Variants in DIP2C observed in about 807,000 individuals in gnomAD.
DIP2C encodes the protein DIP2 acetate--CoA ligase C (putative), also known as disco-interacting protein 2 homolog C.
In DIP2C, 33 loss-of-function variants were observed where a neutral mutation model predicts 192.4. The ratio of observed to expected loss-of-function variants is 0.17; its 90% CI spans 0.13 to 0.23. The LOEUF is 0.23. Ranked by LOEUF, DIP2C falls within the 10% of genes least tolerant of loss-of-function variation. DIP2C has a pLI of 1.00. For synonymous variants in DIP2C, 979 were observed against 864.1 expected (o/e 1.13, Z -2.33); for missense variants, 1,537 against 2,110.1 (o/e 0.73, Z 5.32).
At chr10:334,024 G>A (rs934308464) in intron 29 of DIP2C, among the ~76,000 whole-genome samples, 1 of 152,124 alleles carries the variant, frequency 6.6e-6, no homozygotes, top group African/African-American at 2.4e-5. Flanking sequence ...TATTACATAG[G>A]CTGGGTGCAG....
At chr10:410,952 A>C (rs1015558024) in intron 8 of DIP2C, among the ~76,000 whole-genome samples, 9 of 152,228 alleles carry the variant, frequency 5.9e-5, no homozygotes, top group African/African-American at 2.2e-4. Context: ...ATTAGATATT[A>C]ATTGTAATTT....
intron 1 of DIP2C, among the ~76,000 whole-genome samples, chr10:487,501 G>A (rs1291242239): frequency 6.7e-6 from 1 of 148,632 alleles, no homozygotes; most frequent in African/African-American, 2.5e-5. Flanking sequence ...CGGAACACAA[G>A]GCTGACGTCT....
chr10:283,192 T>G (rs2132146440), intron 35 of DIP2C, 80 bp downstream of exon 35: 1 of 1,533,586 alleles, frequency 6.5e-7, no homozygotes, highest in African/African-American at 1.4e-5. Flanking sequence ...GCTGTAAACC[T>G]TGGGAAAGGC....
intron 1 of DIP2C, among the ~76,000 whole-genome samples, chr10:574,062 T>C (rs1046247175): frequency 3.9e-5 from 6 of 152,236 alleles, no homozygotes; most frequent in Admixed American, 6.5e-5. Context: ...TGAAGAAAAC[T>C]GCATAGCAGA....
In DIP2C at chr10:472,544, C is replaced by T. The variant is rs1362991091; in HGVS notation, c.163G>A (p.Asp55Asn). The T allele has an allele frequency of 6.2e-7, 1 of 1,613,938 alleles. No homozygotes were observed. Among genetic ancestry groups the T allele is most frequent in the Non-Finnish European group, 8.5e-7 (1 of 1,179,906 alleles). Residue 55 changes from aspartate (D) to asparagine (N), a missense_variant, in exon 3 of 37, where the codon GAC becomes AAC. Coordinates refer to ENST00000280886, the MANE Select transcript of DIP2C (RefSeq NM_014974.3). ...CGGCGTTCTTGCGGCAAAGCTTGGT[C>T]CACCCCTGGATTTCAATAAAAACAG... ...GAYLPQPPRV[D>N]QALPQERRAP... is the part of the protein sequence containing the mutation.
chr10:436,154 G>C (rs1336606472), intron 4 of DIP2C, among the ~76,000 whole-genome samples: 7 of 152,236 alleles, frequency 4.6e-5, no homozygotes, highest in African/African-American at 1.7e-4. Flanking sequence ...CGTGTGGTGA[G>C]TGACAGAGAT....
At chr10:593,368 T>C (rs1347781520) in intron 1 of DIP2C, among the ~76,000 whole-genome samples, 2 of 151,964 alleles carry the variant, frequency 1.3e-5, no homozygotes, top group South Asian at 4.2e-4. Context: ...TTTCCCAACA[T>C]CACCTTAGTG....
At position 570,820 on chromosome 10, in the gene DIP2C, T is replaced by C. The variant is rs117477656; in HGVS notation, c.86-84290A>G. Among the ~76,000 whole-genome samples the C allele has an allele frequency of 5.0e-3, 767 of 152,354 alleles. 18 individuals are homozygous for C. The highest frequency in any genetic ancestry group is 0.041 in the East Asian group (211 of 5,180). On this transcript the variant is annotated intron_variant, in intron 1 of 36. Transcript: ENST00000280886. ...ATTCATTTCAGCACAACATTTCCAT[T>C]TGAAGAAACGCAGAGCATGGAGCTC...
Position 596,496 on chromosome 10 carries a change from CAAAAAAAAAAAAAAAAA to C in DIP2C, c.85+92981_85+92997del, listed in dbSNP as rs56298679. Among the ~76,000 whole-genome samples, 347 of 52,952 alleles carry C rather than the reference CAAAAAAAAAAAAAAAAA, an allele frequency of 6.6e-3. 4 individuals are homozygous for C. The highest frequency in any genetic ancestry group is 0.034 in the East Asian group (41 of 1,216). The allele number at this position is 52,952 out of a possible 152,430, so 34.7% of individuals were successfully genotyped here. A position where few individuals can be genotyped will look rare whatever the true frequency, so the allele number is the denominator to read the frequency against. ...GGGCGACCAGTGCGAAACTCCATCT[CAAAAAAAAAAAAAAAAA>C]AAAAAAAAAAAAAGTATTAAGTTTT... is the stretch of plus-strand genomic sequence containing the variant. On this transcript the variant is annotated intron_variant, in intron 1 of 36. Coordinates refer to ENST00000280886, the MANE Select transcript of DIP2C (RefSeq NM_014974.3).
Position 597,687 on chromosome 10 carries a change from CCTA to C in DIP2C, c.85+91804_85+91806del, listed in dbSNP as rs199609737. Among the ~76,000 whole-genome samples the C allele has an allele frequency of 1.7e-4, 26 of 152,332 alleles. No homozygotes were observed. The East Asian group carries it at 4.2e-3, about 25-fold the overall frequency. On this transcript the variant is annotated intron_variant, in intron 1 of 36. Coordinates refer to ENST00000280886, the MANE Select transcript of DIP2C (RefSeq NM_014974.3). Reference sequence around the variant, plus strand: ...ATACGTAAGAAATCATAAAAGTAGGCCTACTAACAATTACGTAAGTCTTCAGAG... The same window carrying C: ...ATACGTAAGAAATCATAAAAGTAGGCCTAACAATTACGTAAGTCTTCAGAG...
At chr10:549,388 G>A (rs1848472865) in intron 1 of DIP2C, among the ~76,000 whole-genome samples, 1 of 152,130 alleles carries the variant, frequency 6.6e-6, no homozygotes. Flanking sequence ...AGTACAGCCT[G>A]AGAAGATACA....
At chr10:537,036 A>C (rs1236446471) in intron 1 of DIP2C, among the ~76,000 whole-genome samples, 2 of 152,194 alleles carry the variant, frequency 1.3e-5, no homozygotes. Flanking sequence ...ATCTCACCCC[A>C]GGCTCTCCTC....
rs1181022353 is a variant in DIP2C, at chr10:357,823, C to G, written c.2904+5G>C. On this transcript the variant is annotated splice_donor_5th_base_variant and intron_variant, in intron 23 of 36. Coordinates refer to ENST00000280886, the MANE Select transcript of DIP2C (RefSeq NM_014974.3). The stretch of plus-strand genomic sequence containing the variant: ...GTCGGGGAGACTCAGGGACCCAGCT[C>G]CTACCTTGCGTGCCTGGTCGTTATC... 1 of 1,610,494 alleles carries G rather than the reference C, an allele frequency of 6.2e-7. No homozygotes were observed. Among genetic ancestry groups the G allele is most frequent in the Admixed American group, 1.7e-5 (1 of 59,920 alleles).
chr10:545,635 A>G (rs1564836441), intron 1 of DIP2C, among the ~76,000 whole-genome samples: 1 of 152,218 alleles, frequency 6.6e-6, no homozygotes, highest in Non-Finnish European at 1.5e-5. Context: ...GAACAAAGGA[A>G]ATAAGATGCT....
At chr10:433,630 A>G (rs1416012459) in intron 4 of DIP2C, among the ~76,000 whole-genome samples, 1 of 152,212 alleles carries the variant, frequency 6.6e-6, no homozygotes, top group Non-Finnish European at 1.5e-5. Flanking sequence ...GCACTGAGAT[A>G]AGATCGGGCT....
intron 17 of DIP2C, among the ~76,000 whole-genome samples, chr10:370,598 A>G (rs995530587): frequency 3.3e-5 from 5 of 152,236 alleles, no homozygotes; most frequent in Non-Finnish European, 7.3e-5. Flanking sequence ...AATGTCTAGC[A>G]ATGAATAGCT....
chr10:388,779 C>T (rs190586369), intron 13 of DIP2C, among the ~76,000 whole-genome samples: 5 of 152,338 alleles, frequency 3.3e-5, no homozygotes, highest in East Asian at 1.9e-4. Flanking sequence ...CACAGCGGAG[C>T]GGCAGATGCC....
Position 375,252 on chromosome 10 carries a change from T to C in DIP2C, c.1992-5619A>G, listed in dbSNP as rs375291587. Among the ~76,000 whole-genome samples, 155 of 152,290 alleles carry C rather than the reference T, an allele frequency of 1.0e-3. 4 individuals carry two copies. The South Asian group carries it at 0.03, about 30-fold the overall frequency. ...TCACGTGGGATCTAGTTGTTTAGAA[T>C]AGAGCTGGGCACCTCCTCTCTCTCT... On this transcript the variant is annotated intron_variant, in intron 17 of 36. Coordinates refer to ENST00000280886, the MANE Select transcript of DIP2C (RefSeq NM_014974.3).
intron 1 of DIP2C, among the ~76,000 whole-genome samples, chr10:670,556 C>G (rs1830582894): frequency 6.6e-6 from 1 of 152,188 alleles, no homozygotes; most frequent in Non-Finnish European, 1.5e-5. Flanking sequence ...AACATCTTAT[C>G]CATTTTAAAC....
Sources: gnomAD v4.1 joint callset for allele counts (sites outside exome capture counted in the v4.1 genomes callset) on GRCh38, gnomAD v4.1.1 for gene constraint, MANE v1.5 for transcripts, NCBI Gene and HGNC (gene_info 2026-07-23, HGNC 2026-07-21) for gene names.